Variants in RBL1 observed in about 807,000 individuals in gnomAD.
The protein encoded by RBL1 is retinoblastoma-like protein 1.
A neutral mutation model predicts 123.0 loss-of-function variants in RBL1; 82 were observed. The ratio of observed to expected loss-of-function variants is 0.67; its 90% confidence interval spans 0.56 to 0.80. The LOEUF is 0.80. RBL1 is among the 30% of genes least tolerant of loss of function. RBL1 has a pLI of 0.00. For missense variants in RBL1, 1,171 were observed against 1,299.6 expected (o/e 0.90, Z 1.52); for synonymous variants, 405 against 441.3 (o/e 0.92, Z 1.03).
chr20:37,056,151 T>C lies in RBL1; in HGVS notation c.1358A>G (p.His453Arg). 6.2e-7 allele frequency: 1 copy of C among 1,606,650 alleles called. No homozygotes were observed. Among genetic ancestry groups the C allele is most frequent in the South Asian group, 1.1e-5 (1 of 89,572 alleles). ...TQSTDEQPGS[H>R]IDFAVNRLKL... ...CTGTAGTTTTCTTTTCTTACCTATGTGAGATCCTGGCTGTTCATCTGTTGA... is the reference window on the plus strand; with the variant it reads ...CTGTAGTTTTCTTTTCTTACCTATGCGAGATCCTGGCTGTTCATCTGTTGA... Residue 453 changes from histidine (H) to arginine (R), a missense_variant, in exon 10 of 22, where the codon CAC (histidine) becomes CGC (arginine). Transcript: ENST00000373664.
At chr20:37,043,160 G>A (rs996955550) in intron 13 of RBL1, among the ~76,000 whole-genome samples, 20 of 89,790 alleles carry the variant, frequency 2.2e-4, no homozygotes, top group African/African-American at 5.7e-4. Context: ...ACATGCGCGC[G>A]TGCACACACA....
intron 14 of RBL1, among the ~76,000 whole-genome samples, chr20:37,038,301 CTTT>C (rs890141235): frequency 5.6e-5 from 6 of 107,516 alleles, no homozygotes; most frequent in African/African-American, 6.9e-5. Flanking sequence ...CTTATGCAAT[CTTT>C]TTTTTTTTTT....
At chr20:37,014,351 T>C (rs1189851368) in intron 19 of RBL1, among the ~76,000 whole-genome samples, 1 of 151,066 alleles carries the variant, frequency 6.6e-6, no homozygotes, top group Non-Finnish European at 1.5e-5. Flanking sequence ...AGTGCTGGGA[T>C]TGTAGATGTA....
intron 7 of RBL1, among the ~76,000 whole-genome samples, chr20:37,064,291 C>T (rs978931986): frequency 2.6e-5 from 4 of 151,942 alleles, no homozygotes; most frequent in Non-Finnish European, 5.9e-5. Flanking sequence ...GCGTGTGCCA[C>T]CACACCGAGC....
intron 11 of RBL1, among the ~76,000 whole-genome samples, chr20:37,054,939 G>GA (rs1306614844): frequency 2.0e-5 from 3 of 151,960 alleles, no homozygotes; most frequent in Non-Finnish European, 4.4e-5. Context: ...AACCAACACA[G>GA]AAAAGACATG....
At chr20:37,026,927 G>T (rs2064433262) in intron 16 of RBL1, among the ~76,000 whole-genome samples, 1 of 151,284 alleles carries the variant, frequency 6.6e-6, no homozygotes, top group South Asian at 2.1e-4. Flanking sequence ...GCTTGAACTA[G>T]GGAGTCAGAG....
intron 11 of RBL1, among the ~76,000 whole-genome samples, chr20:37,050,459 G>A (rs1266630024): frequency 6.8e-6 from 1 of 147,656 alleles, no homozygotes; most frequent in Non-Finnish European, 1.5e-5. Context: ...GCAGGAGAAT[G>A]GCGTGAACCT....
chr20:37,013,198 G>A (rs1171847455), intron 19 of RBL1, among the ~76,000 whole-genome samples: 1 of 152,206 alleles, frequency 6.6e-6, no homozygotes, highest in African/African-American at 2.4e-5. Flanking sequence ...CCGTGTCTGT[G>A]TAGAAAGAGG....
intron 15 of RBL1, among the ~76,000 whole-genome samples, chr20:37,034,531 A>G (rs918333543): frequency 6.6e-6 from 1 of 151,994 alleles, no homozygotes; most frequent in African/African-American, 2.4e-5. Context: ...ACAAATAGAA[A>G]AAATTAGCTG....
rs572736388 is a variant in RBL1, at chr20:37,059,804, C to T, written c.1250+1299G>A. 9.9e-5 allele frequency among the ~76,000 whole-genome samples: 15 copies of T among 152,102 alleles called. No homozygotes were observed. In the East Asian group the frequency reaches 2.7e-3, roughly 27 times the overall value. On this transcript the variant is annotated intron_variant, in intron 9 of 21. Coordinates refer to ENST00000373664, the MANE Select transcript of RBL1 (RefSeq NM_002895.5). ...ATTAGGTATTAGGAAAGAAGGTTCTCTGATCTGGCTTCATTCTACCATCTT... is the reference window on the plus strand; with the variant it reads ...ATTAGGTATTAGGAAAGAAGGTTCTTTGATCTGGCTTCATTCTACCATCTT...
chr20:37,044,580 C>T (rs184847500), intron 12 of RBL1, among the ~76,000 whole-genome samples: 16 of 152,298 alleles, frequency 1.1e-4, no homozygotes, highest in South Asian at 4.1e-4. Flanking sequence ...CTCAGGTGAT[C>T]TGCCCGCCTA....
In RBL1 at chr20:37,095,977, C is replaced by T. The variant is rs1271235520; in HGVS notation, c.-49G>A. ...CGCCACGGCCCCCGACTTCTTTCTC[C>T]CTCCCAGGCGCGCTACCCACAACCA... On this transcript the variant is annotated 5_prime_UTR_variant, in exon 1 of 22. Transcript: ENST00000373664. The T allele has an allele frequency of 5.0e-6, 7 of 1,413,420 alleles. No homozygotes were observed. Among genetic ancestry groups the T allele is most frequent in the African/African-American group, 1.4e-5 (1 of 70,072 alleles). The allele number at this position is 1,413,420 out of a possible 1,614,324, so 87.6% of individuals were successfully genotyped here.
intron 11 of RBL1, among the ~76,000 whole-genome samples, chr20:37,054,807 G>T (rs1011978482): frequency 6.6e-6 from 1 of 152,008 alleles, no homozygotes; most frequent in African/African-American, 2.4e-5. Context: ...TCCAGCCTGG[G>T]CAACAGAGCA....
In RBL1 at chr20:37,007,478, T is replaced by C. The variant is rs201048608; in HGVS notation, c.2804A>G (p.Asn935Ser). Reference sequence around the variant, plus strand: ...CTTCACTCTTCCTACATATATTGTATTGTAAAATTTTATAAGATCACCTCT... The same window carrying C: ...CTTCACTCTTCCTACATATATTGTACTGTAAAATTTTATAAGATCACCTCT... The part of the protein sequence containing the change: ...EERGDLIKFY[N>S]TIYVGRVKSF... The change falls in exon 20 of 22, where the codon AAT becomes AGT. Residue 935 changes from asparagine (N) to serine (S), a missense_variant. Coordinates refer to ENST00000373664, the MANE Select transcript of RBL1 (RefSeq NM_002895.5). The C allele has an allele frequency of 1.9e-6, 3 of 1,613,796 alleles. No homozygotes were observed. Among genetic ancestry groups the C allele is most frequent in the African/African-American group, 2.7e-5 (2 of 74,942 alleles).
In RBL1 at chr20:37,018,313, TTTA is replaced by T. The variant is rs769879137; in HGVS notation, c.2685_2687del (p.Asn895del). On this transcript the variant is annotated inframe_deletion, in exon 19 of 22. Coordinates refer to ENST00000373664, the MANE Select transcript of RBL1 (RefSeq NM_002895.5). Reference sequence around the variant, plus strand: ...TCATTTCAAAGTCATCATTTATATTTTTATTATATGCCACAACTTCTCTTGGAA... The same window carrying T: ...TCATTTCAAAGTCATCATTTATATTTTTATATGCCACAACTTCTCTTGGAA... The T allele has an allele frequency of 3.1e-6, 5 of 1,611,400 alleles. No individual in the cohort carries two copies. In the East Asian group the frequency reaches 1.1e-4, roughly 36 times the overall value.
intron 2 of RBL1, among the ~76,000 whole-genome samples, chr20:37,080,497 G>C (rs1397518896): frequency 1.4e-5 from 2 of 141,896 alleles, no homozygotes; most frequent in South Asian, 4.5e-4. Context: ...CTCACTTTGT[G>C]GCCCAGGCTG....
rs2146285474 is a variant in RBL1 at position 37,055,724 on chromosome 20, TTA to T, written c.1364-70_1364-69del. ...GTTGTTAAGGACTGAAAAGCAAAAA[TTA>T]TATATAAACTTAAATCTGATACATT... is the stretch of plus-strand genomic sequence containing the variant. On this transcript the variant is annotated intron_variant, in intron 10 of 21. Transcript: ENST00000373664. The T allele has an allele frequency of 3.6e-6, 5 of 1,398,304 alleles. No individual in the cohort carries two copies. The South Asian group carries it at 7.0e-5, about 19-fold the overall frequency. 86.6% of individuals were successfully genotyped at this position (1,398,304 alleles called of 1,614,324 possible).
rs550854690 is a variant in RBL1, at chr20:37,064,358, A to T, written c.896+1066T>A. ...TCACCATTTTGGCCAGGATGGTCTC[A>T]ATCTCCTGACCTCGTGATCTGCCTG... On this transcript the variant is annotated intron_variant, in intron 7 of 21. Transcript: ENST00000373664. Among the ~76,000 whole-genome samples, 7 of 151,254 alleles carry T rather than the reference A, an allele frequency of 4.6e-5. No homozygotes were observed. In the East Asian group the frequency reaches 1.4e-3, roughly 30 times the overall value.
At chr20:37,035,217 C>G (rs1444047385) in intron 15 of RBL1, 25 bp downstream of exon 15, 3 of 1,565,970 alleles carry the variant, frequency 1.9e-6, no homozygotes, top group Admixed American at 3.8e-5. Context: ...AGAAAAAGTA[C>G]AAAACAAATG....
Sources: gnomAD v4.1 joint callset for allele counts (sites outside exome capture counted in the v4.1 genomes callset) on GRCh38, gnomAD v4.1.1 for gene constraint, MANE v1.5 for transcripts, NCBI Gene and HGNC (gene_info 2026-07-23, HGNC 2026-07-21) for gene names.